Variants in USP44 observed in about 807,000 individuals in gnomAD.
USP44 encodes the protein ubiquitin specific peptidase 44.
A neutral mutation model predicts 69.0 loss-of-function variants in USP44; 61 were observed. The observed-to-expected ratio is 0.88, with a 90% CI of 0.72 to 1.09. USP44 has a LOEUF of 1.09. Ranked by LOEUF, USP44 falls within the 50% of genes least tolerant of loss-of-function variation. The pLI is 0.00. For synonymous variants in USP44, 297 were observed against 295.4 expected (o/e 1.01, Z -0.06); for missense variants, 753 against 849.9 (o/e 0.89, Z 1.42).
In USP44 at chr12:95,518,011, T is replaced by G; in HGVS notation, c.*143A>C. ...TCAGTTGATATATACATTTATACTT[T>G]GTAAAAAAAAAAATTGTTAGATATA... On this transcript the variant is annotated 3_prime_UTR_variant, in exon 6 of 6. Transcript: ENST00000258499. 1.1e-6 allele frequency: 1 copy of G among 876,020 alleles called. No individual in the cohort carries two copies. Among genetic ancestry groups the G allele is most frequent in the Non-Finnish European group, 1.7e-6 (1 of 601,014 alleles). 54.3% of individuals were successfully genotyped at this position (876,020 alleles called of 1,614,324 possible).
intron 1 of USP44, among the ~76,000 whole-genome samples, chr12:95,540,190 C>A (rs918277838): frequency 6.6e-6 from 1 of 152,156 alleles, no homozygotes; most frequent in African/African-American, 2.4e-5. Flanking sequence ...CTGAACCAGT[C>A]TCAGGCACAA....
intron 1 of USP44, among the ~76,000 whole-genome samples, chr12:95,547,169 T>TA: frequency 6.6e-6 from 1 of 152,246 alleles, no homozygotes; most frequent in East Asian, 1.9e-4. Context: ...CAATTAACAT[T>TA]TGGGAAGAAA....
chr12:95,533,579 T>C lies in USP44; in HGVS notation c.678A>G (p.Glu226=), dbSNP rs747178223. 2 of 1,613,570 alleles carry C rather than the reference T, an allele frequency of 1.2e-6. No individual in the cohort carries two copies. The highest frequency in any genetic ancestry group is 3.3e-5 in the Admixed American group (2 of 59,936). The change falls in exon 2 of 6, where the codon GAA becomes GAG. Residue 226 remains glutamate, a synonymous_variant. Transcript: ENST00000258499. ...GTGCTGGCACCTGAACAGAAACTAT[T>C]TCTATTATGGTCGACTGAGCGAGCC... ...LQGLAQSTII[E]IVSVQVPAQT...
intron 1 of USP44, among the ~76,000 whole-genome samples, chr12:95,543,260 G>A (rs567966574): frequency 6.6e-6 from 1 of 151,046 alleles, no homozygotes; most frequent in East Asian, 2.0e-4. Context: ...AATTAGCCGG[G>A]CGTGGTGGCA....
Position 95,533,271 on chromosome 12 carries a change from G to C in USP44, c.986C>G (p.Thr329Arg), listed in dbSNP as rs763303710. Reference protein sequence around the residue: ...RSCKHPPVTDTVVYQMNECQE... With the variant: ...RSCKHPPVTDRVVYQMNECQE... ...ACATTCATTCATTTGATATACTACT[G>C]TATCTGTGACTGGTGGATGCTTACA... is the stretch of plus-strand genomic sequence containing the variant. Residue 329 changes from threonine to arginine, a missense_variant, in exon 2 of 6, where the codon ACA becomes AGA. Thr to Arg is a moderately conservative substitution (Grantham distance 71). Coordinates refer to ENST00000258499, the MANE Select transcript of USP44 (RefSeq NM_032147.5). 1.2e-6 allele frequency: 2 copies of C among 1,614,106 alleles called. No homozygotes were observed. The highest frequency in any genetic ancestry group is 1.7e-6 in the Non-Finnish European group (2 of 1,180,048).
intron 2 of USP44, 146 bp downstream of exon 2, chr12:95,532,683 T>G (rs796547941): frequency 1.6e-6 from 1 of 620,804 alleles, no homozygotes; most frequent in South Asian, 3.4e-5. Flanking sequence ...GTGAGCTGAT[T>G]TCTCTATACA....
intron 1 of USP44, among the ~76,000 whole-genome samples, chr12:95,537,277 TTTAG>T (rs1363517574): frequency 6.6e-6 from 1 of 152,034 alleles, no homozygotes; most frequent in Non-Finnish European, 1.5e-5. Context: ...ACAGAGAAAA[TTTAG>T]TTAAACATGT....
At position 95,517,195 on chromosome 12, in the gene USP44, T is replaced by C. The variant is rs1395895175; in HGVS notation, c.*959A>G. 1 of 151,982 alleles carries C rather than the reference T, an allele frequency of 6.6e-6. No homozygotes were observed. Among genetic ancestry groups the C allele is most frequent in the Non-Finnish European group, 1.5e-5 (1 of 67,994 alleles). 9.4% of individuals were successfully genotyped at this position (151,982 alleles called of 1,614,324 possible). On this transcript the variant is annotated 3_prime_UTR_variant, in exon 6 of 6. Coordinates refer to ENST00000258499, the MANE Select transcript of USP44 (RefSeq NM_032147.5). ...AAGAGTAAATCAAGCTTTAGTTATTTAGAATGAGATGCTAGACATAATAAT... is the reference window on the plus strand; with the variant it reads ...AAGAGTAAATCAAGCTTTAGTTATTCAGAATGAGATGCTAGACATAATAAT...
intron 4 of USP44, among the ~76,000 whole-genome samples, chr12:95,522,458 T>C (rs997617523): frequency 6.6e-6 from 1 of 152,134 alleles, no homozygotes; most frequent in Non-Finnish European, 1.5e-5. Context: ...ATACATCTCC[T>C]AAAATTTTTG....
intron 1 of USP44, among the ~76,000 whole-genome samples, chr12:95,547,492 G>A (rs2077610158): frequency 1.3e-5 from 2 of 152,190 alleles, no homozygotes; most frequent in African/African-American, 4.8e-5. Context: ...AGATTCAACT[G>A]AATATTGAAT....
chr12:95,544,048 C>CTTTTTT (rs1191045599), intron 1 of USP44, among the ~76,000 whole-genome samples: 2 of 97,236 alleles, frequency 2.1e-5, no homozygotes, highest in Admixed American at 1.4e-4. Flanking sequence ...TTTTAGTTAT[C>CTTTTTT]TTTTTTTTTT....
Position 95,537,900 on chromosome 12 carries a change from A to G in USP44, c.-70-3574T>C, listed in dbSNP as rs145626181. ...TAGTGTTAAGTATGTGCTAAATTGT[A>G]CACTAACCTCTTTACTCCTTTCTCT... On this transcript the variant is annotated intron_variant, in intron 1 of 5. Transcript: ENST00000258499. 4.6e-5 allele frequency among the ~76,000 whole-genome samples: 7 copies of G among 152,334 alleles called. 1 individual carries two copies. The East Asian group carries it at 1.3e-3, about 29-fold the overall frequency.
intron 4 of USP44, 34 bp downstream of exon 4, chr12:95,524,646 G>C (rs752508201): frequency 5.3e-6 from 8 of 1,498,346 alleles, no homozygotes; most frequent in Non-Finnish European, 7.3e-6. Context: ...TAAGCACAAG[G>C]AATGATAACT....
chr12:95,538,796 C>T (rs989232169), intron 1 of USP44, among the ~76,000 whole-genome samples: 5 of 152,228 alleles, frequency 3.3e-5, no homozygotes, highest in Non-Finnish European at 7.3e-5. Context: ...GGGGTCTCAT[C>T]ACACAAAGAT....
intron 1 of USP44, among the ~76,000 whole-genome samples, chr12:95,545,282 T>C (rs1270172672): frequency 6.6e-6 from 1 of 151,084 alleles, no homozygotes; most frequent in Non-Finnish European, 1.5e-5. Flanking sequence ...AGTAACCATC[T>C]CATTAAAAAC....
intron 5 of USP44, among the ~76,000 whole-genome samples, chr12:95,520,102 T>C (rs1309900883): frequency 4.0e-5 from 6 of 148,548 alleles, no homozygotes; most frequent in Admixed American, 6.8e-5. Flanking sequence ...TGGTGGATTA[T>C]TGGGCTTCTT....
rs1339008750 is a variant in USP44 at position 95,548,101 on chromosome 12, G to A, written c.-71+3171C>T. The A allele has an allele frequency of 1.3e-5, 2 of 152,188 alleles. No homozygotes were observed. The highest frequency in any genetic ancestry group is 2.4e-5 in the African/African-American group (1 of 41,440). The allele number at this position is 152,188 out of a possible 1,614,324, so 9.4% of individuals were successfully genotyped here. ...TTCCCATCGAAGGCCATCGGGAATGGCTTTAGGAAGCTGATTTTCAAGCTT... is the reference window on the plus strand; with the variant it reads ...TTCCCATCGAAGGCCATCGGGAATGACTTTAGGAAGCTGATTTTCAAGCTT... On this transcript the variant is annotated intron_variant, in intron 1 of 5. Transcript: ENST00000258499. This position sits in a 1 kb window ranked among gnomAD's most constrained non-coding sequence, Gnocchi z 4.1.
chr12:95,521,483 G>A (rs569727379), intron 4 of USP44, among the ~76,000 whole-genome samples: 4 of 152,284 alleles, frequency 2.6e-5, no homozygotes, highest in South Asian at 4.1e-4. Context: ...TCAAGGCCAC[G>A]AAAGGGTTGG....
chr12:95,519,260 AGT>A (rs2076570465), intron 5 of USP44, among the ~76,000 whole-genome samples: 2 of 152,044 alleles, frequency 1.3e-5, no homozygotes, highest in African/African-American at 4.8e-5. Flanking sequence ...CATTATTTAA[AGT>A]GTTGTATAAA....
Sources: allele counts gnomAD v4.1 joint callset (sites outside exome capture counted in the v4.1 genomes callset), GRCh38; gene constraint gnomAD v4.1.1; non-coding constraint Gnocchi (gnomAD v3.1); transcripts MANE v1.5; gene names NCBI Gene and HGNC (gene_info 2026-07-23, HGNC 2026-07-21).